The following RABL2A variants were observed in gnomAD, a reference collection of about 807,000 sequenced individuals.
The protein encoded by RABL2A is RAB, member of RAS oncogene family like 2A.
RABL2A carries 17 observed loss-of-function variants against 30.7 expected under a neutral mutation model. That is an observed-to-expected ratio of 0.55 (90% CI 0.38 to 0.83). The LOEUF (loss-of-function observed/expected upper bound fraction) is 0.83. Ranked by LOEUF, RABL2A falls within the 40% of genes least tolerant of loss-of-function variation. The pLI is 0.00. For missense variants in RABL2A, 155 were observed against 272.6 expected, an observed-to-expected ratio of 0.57 and a Z score of 3.04; for synonymous variants, 64 against 101.8, an observed-to-expected ratio of 0.63 and a Z score of 2.24.
At chr2:113,640,165 GTAAA>G (rs1684609657) in intron 5 of RABL2A, 1 of 64,330 alleles carries the variant, frequency 1.6e-5, no homozygotes. Context: ...ATAAATAAAA[GTAAA>G]TAGTAACTAA....
chr2:113,640,703 C>T (rs541079649), intron 5 of RABL2A, 191 bp from the exon 6 acceptor site: 15 of 642,086 alleles, frequency 2.3e-5, no homozygotes, highest in Middle Eastern at 4.4e-4. Context: ...AAAACATTTT[C>T]GCATCTGGAG....
rs752413778 is a variant in RABL2A, at chr2:113,635,062, AC to A, written c.230del (p.Thr77ArgfsTer36). On this transcript the variant is annotated frameshift_variant, in exon 5 of 9. Coordinates refer to ENST00000683472, the MANE Select transcript of RABL2A (RefSeq NM_001306158.2). LOFTEE classifies it high-confidence loss of function. ...GKTILVDFWD[T>X]AGQERFQSMH... The stretch of plus-strand genomic sequence containing the variant: ...TGTTCACATTGCAGACTTTTGGGAC[AC>A]GGCAGGCCAGGAGCGGTTCCAGAGC... 4 of 1,613,920 alleles carry A rather than the reference AC, an allele frequency of 2.5e-6. No homozygotes were observed. The South Asian group carries it at 4.4e-5, about 18-fold the overall frequency.
intron 5 of RABL2A, chr2:113,638,249 T>A (rs1419374419): frequency 1.0e-6 from 1 of 985,262 alleles, no homozygotes; most frequent in Non-Finnish European, 1.2e-6. Context: ...CTACATAGAC[T>A]TCCTGCCACC....
intron 5 of RABL2A, among the ~76,000 whole-genome samples, chr2:113,639,316 TAAAC>T (rs1178193735): frequency 2.0e-5 from 3 of 151,394 alleles, no homozygotes; most frequent in Non-Finnish European, 4.4e-5. Flanking sequence ...AACAAAGAAG[TAAAC>T]AAAAGCTTAA....
chr2:113,636,217 C>G (rs939928791), intron 5 of RABL2A, among the ~76,000 whole-genome samples: 1 of 152,226 alleles, frequency 6.6e-6, no homozygotes, highest in African/African-American at 2.4e-5. Flanking sequence ...AAACCTCGGT[C>G]ACTAAAACTT....
At position 113,630,218 on chromosome 2, in the gene RABL2A, G is replaced by C. The variant is rs531259952; in HGVS notation, c.107+1505G>C. On this transcript the variant is annotated intron_variant, in intron 2 of 8. Transcript: ENST00000683472. ...ACAAGCCAGTCTTCATCCACTAGCA[G>C]TATCTCAGGCAAAAGGTTGTCCCAG... 2.6e-5 allele frequency among the ~76,000 whole-genome samples: 4 copies of C among 152,348 alleles called. No homozygotes were observed. In the South Asian group the frequency reaches 8.3e-4, roughly 32 times the overall value.
intron 8 of RABL2A, 77 bp from the exon 9 acceptor site, chr2:113,641,952 TAA>T (rs2104874950): frequency 6.5e-7 from 1 of 1,545,910 alleles, no homozygotes. Flanking sequence ...GACTCTTGCC[TAA>T]GTTTGCCCCA....
intron 5 of RABL2A, among the ~76,000 whole-genome samples, chr2:113,636,771 G>A (rs1382475480): frequency 2.2e-4 from 33 of 152,054 alleles, no homozygotes; most frequent in African/African-American, 8.0e-4. Flanking sequence ...GGCGGATCAC[G>A]AGGTCAGGAG....
At position 113,634,310 on chromosome 2, in the gene RABL2A, A is replaced by G. The variant is rs1342426772; in HGVS notation, c.217+78A>G. 5 of 1,551,954 alleles carry G rather than the reference A, an allele frequency of 3.2e-6. No individual in the cohort carries two copies. The East Asian group carries it at 1.2e-4, about 38-fold the overall frequency. On this transcript the variant is annotated intron_variant, in intron 4 of 8. Transcript: ENST00000683472. Reference sequence around the variant, plus strand: ...GACGAGGGGAGGTGAGGCAAGGTTCATAAGGAGAGAGTCCAGAGGGAGAAA... The same window carrying G: ...GACGAGGGGAGGTGAGGCAAGGTTCGTAAGGAGAGAGTCCAGAGGGAGAAA...
chr2:113,635,048 C>T lies in RABL2A; in HGVS notation c.218-3C>T, dbSNP rs1176725613. On this transcript the variant is annotated splice_region_variant and splice_polypyrimidine_tract_variant and intron_variant, in intron 4 of 8. Coordinates refer to ENST00000683472, the MANE Select transcript of RABL2A (RefSeq NM_001306158.2). ...TGTAGGTCTGTCTGTGTTCACATTG[C>T]AGACTTTTGGGACACGGCAGGCCAG... 2.5e-6 allele frequency: 4 copies of T among 1,613,958 alleles called. No homozygotes were observed. In the Admixed American group the frequency reaches 6.7e-5, roughly 27 times the overall value.
intron 2 of RABL2A, among the ~76,000 whole-genome samples, chr2:113,630,805 C>G (rs542419780): frequency 6.6e-6 from 1 of 152,310 alleles, no homozygotes; most frequent in South Asian, 2.1e-4. Context: ...CCTTCCTGAG[C>G]TGCCATTACA....
intron 5 of RABL2A, among the ~76,000 whole-genome samples, chr2:113,636,845 C>T (rs1481489771): frequency 3.0e-4 from 45 of 152,036 alleles, no homozygotes; most frequent in East Asian, 1.9e-4. Flanking sequence ...AAAAATTAGC[C>T]GGGCGTGGTA....
intron 5 of RABL2A, chr2:113,637,477 T>G: frequency 8.9e-7 from 1 of 1,124,886 alleles, no homozygotes; most frequent in Non-Finnish European, 1.1e-6. Flanking sequence ...CCCCAGGAAC[T>G]GACTGACTGG....
In RABL2A at chr2:113,634,208, G is replaced by A; in HGVS notation, c.193G>A (p.Val65Ile). The A allele has an allele frequency of 6.2e-7, 1 of 1,613,092 alleles. No homozygotes were observed. Among genetic ancestry groups the A allele is most frequent in the Non-Finnish European group, 8.5e-7 (1 of 1,179,488 alleles). ...GACCCTGTACAAGCACACAGCCACG[G>A]TAGATGGCAAGACCATCCTTGTGGG... ...ALTLYKHTATVDGKTILVDFW... is the reference protein window; with the variant it reads ...ALTLYKHTATIDGKTILVDFW... Residue 65 changes from valine (V) to isoleucine (I), a missense_variant, in exon 4 of 9, where the codon GTA becomes ATA. Around this residue, in one of 5 missense-constraint regions of RABL2A, gnomAD observed 82 missense variants for 103.2 expected, o/e 0.79. Coordinates refer to ENST00000683472, the MANE Select transcript of RABL2A (RefSeq NM_001306158.2).
intron 5 of RABL2A, among the ~76,000 whole-genome samples, chr2:113,636,213 C>T (rs1224224873): frequency 1.3e-5 from 2 of 152,172 alleles, no homozygotes; most frequent in East Asian, 1.9e-4. Flanking sequence ...GTGAAAACCT[C>T]GGTCACTAAA....
At chr2:113,637,133 G>C (rs1186371335) in intron 5 of RABL2A, among the ~76,000 whole-genome samples, 4 of 152,240 alleles carry the variant, frequency 2.6e-5, no homozygotes, top group Non-Finnish European at 5.9e-5. Context: ...ATGCATGGCT[G>C]AGTAGGTGTC....
At chr2:113,637,517 A>T (rs1683379499) in intron 5 of RABL2A, 2 of 1,196,422 alleles carry the variant, frequency 1.7e-6, no homozygotes, top group African/African-American at 3.2e-5. Flanking sequence ...AGTGGTGAGG[A>T]CAGTGAGGAT....
At chr2:113,629,747 C>T (rs1171614983) in intron 2 of RABL2A, among the ~76,000 whole-genome samples, 1 of 152,094 alleles carries the variant, frequency 6.6e-6, no homozygotes, top group African/African-American at 2.4e-5. Context: ...ACCTTGTTAG[C>T]CAGGATGGTC....
At chr2:113,638,531 G>A (rs1683824242) in intron 5 of RABL2A, 1 of 985,280 alleles carries the variant, frequency 1.0e-6, no homozygotes, top group African/African-American at 1.7e-5. Context: ...TCTGCCCTTA[G>A]AGCTGGTTTG....
Sources: gnomAD v4.1 joint callset for allele counts (sites outside exome capture counted in the v4.1 genomes callset) on GRCh38, gnomAD v4.1.1 for gene constraint, gnomAD v4.1.1 regional missense constraint, MANE v1.5 for transcripts, NCBI Gene and HGNC (gene_info 2026-07-23, HGNC 2026-07-21) for gene names.